Variants in CSNK1D observed in about 807,000 individuals in gnomAD.
CSNK1D encodes casein kinase I isoform delta.
A neutral mutation model predicts 46.6 loss-of-function variants in CSNK1D; 16 were observed. The observed-to-expected ratio is 0.34, with a 90% CI of 0.23 to 0.52. CSNK1D has a LOEUF of 0.52. Ranked by LOEUF, CSNK1D falls within the 20% of genes least tolerant of loss-of-function variation. CSNK1D has a pLI of 0.95. For synonymous variants in CSNK1D, 276 were observed against 228.2 expected (o/e 1.21, Z -1.89); for missense variants, 398 against 578.4 (o/e 0.69, Z 3.20).
Position 82,248,625 on chromosome 17 carries a change from G to A in CSNK1D, c.1197+250C>T. The A allele has an allele frequency of 1.5e-6, 2 of 1,357,540 alleles. No individual in the cohort carries two copies. Among genetic ancestry groups the A allele is most frequent in the Non-Finnish European group, 1.9e-6 (2 of 1,051,536 alleles). The allele number at this position is 1,357,540 out of a possible 1,614,324, so 84.1% of individuals were successfully genotyped here. Reference sequence around the variant, plus strand: ...AGGAGAAAGCCCCCACGGTTTGCTGGCCTCAGGGACCTGAGACCTGAGACT... The same window carrying A: ...AGGAGAAAGCCCCCACGGTTTGCTGACCTCAGGGACCTGAGACCTGAGACT... On this transcript the variant is annotated intron_variant, in intron 8 of 8. Coordinates refer to ENST00000314028, the MANE Select transcript of CSNK1D (RefSeq NM_001893.6). The surrounding 1 kb of genome is among the most constrained non-coding windows in gnomAD (Gnocchi z 4.1).
At chr17:82,262,178 T>C (rs994786763) in intron 2 of CSNK1D, among the ~76,000 whole-genome samples, 1 of 152,244 alleles carries the variant, frequency 6.6e-6, no homozygotes, top group Non-Finnish European at 1.5e-5. Flanking sequence ...CAACCAGATT[T>C]GGGACAGGTG....
rs577923739 is a variant in CSNK1D, at chr17:82,252,417, G to A, written c.736+17C>T. Reference sequence around the variant, plus strand: ...CCTGTGAGCAGCTCCGCTGAGAAGAGGCCTCCAGAGACTTACAAGGGTAGC... The same window carrying A: ...CCTGTGAGCAGCTCCGCTGAGAAGAAGCCTCCAGAGACTTACAAGGGTAGC... On this transcript the variant is annotated intron_variant, in intron 5 of 8. Coordinates refer to ENST00000314028, the MANE Select transcript of CSNK1D (RefSeq NM_001893.6). The surrounding 1 kb of genome is among the most constrained non-coding windows in gnomAD (Gnocchi z 4.6). 23 of 1,614,026 alleles carry A rather than the reference G, an allele frequency of 1.4e-5. No homozygotes were observed. In the East Asian group the frequency reaches 1.8e-4, roughly 13 times the overall value.
downstream of CSNK1D, among the ~76,000 whole-genome samples, chr17:82,242,472 G>A (rs1399063410): frequency 1.3e-5 from 2 of 151,574 alleles, no homozygotes; most frequent in East Asian, 3.9e-4. Context: ...GCAGCACGGC[G>A]AGGAGCAGTC....
At chr17:82,259,021 TG>T (rs1267662410) in intron 2 of CSNK1D, among the ~76,000 whole-genome samples, 3 of 152,226 alleles carry the variant, frequency 2.0e-5, no homozygotes, top group Admixed American at 2.0e-4. Flanking sequence ...GAAAGAGAAG[TG>T]GCTGGATGTC....
At position 82,250,086 on chromosome 17, in the gene CSNK1D, G is replaced by A. The variant is rs2050961696; in HGVS notation, c.886-484C>T. 1.6e-6 allele frequency: 2 copies of A among 1,290,060 alleles called. No individual in the cohort carries two copies. The highest frequency in any genetic ancestry group is 2.0e-6 in the Non-Finnish European group (2 of 989,460). The allele number at this position is 1,290,060 out of a possible 1,614,324, so 79.9% of individuals were successfully genotyped here. ...GCAGCCTCCAACAGCCTGTGCAGGT[G>A]TGGTGGCGTGGCCAGCAGCCGGCAG... On this transcript the variant is annotated intron_variant, in intron 6 of 8. Transcript: ENST00000314028. The surrounding 1 kb of genome is among the most constrained non-coding windows in gnomAD (Gnocchi z 4.6).
In CSNK1D at chr17:82,244,268, T is replaced by A. The variant is rs2050794728; in HGVS notation, c.*513A>T. The A allele has an allele frequency of 9.1e-7, 1 of 1,101,868 alleles. No individual in the cohort carries two copies. The highest frequency in any genetic ancestry group is 1.1e-6 in the Non-Finnish European group (1 of 897,616). The allele number at this position is 1,101,868 out of a possible 1,614,324, so 68.3% of individuals were successfully genotyped here. On this transcript the variant is annotated 3_prime_UTR_variant, in exon 9 of 9. Coordinates refer to ENST00000314028, the MANE Select transcript of CSNK1D (RefSeq NM_001893.6). ...CTTCTCCCTGCCCGACTCCACCTCATACACTAACTCCAAGCCAGCCTGTCT... is the reference window on the plus strand; with the variant it reads ...CTTCTCCCTGCCCGACTCCACCTCAAACACTAACTCCAAGCCAGCCTGTCT...
downstream of CSNK1D, among the ~76,000 whole-genome samples, chr17:82,240,766 A>G (rs2050731587): frequency 6.6e-6 from 1 of 152,180 alleles, no homozygotes; most frequent in South Asian, 2.1e-4. Context: ...AGATGTGGGA[A>G]GGCAGCCACG....
Position 82,248,722 on chromosome 17 carries a change from T to C in CSNK1D, c.1197+153A>G, listed in dbSNP as rs1167669983. The C allele has an allele frequency of 1.4e-6, 2 of 1,468,346 alleles. No homozygotes were observed. Among genetic ancestry groups the C allele is most frequent in the South Asian group, 2.7e-5 (2 of 73,470 alleles). 91.0% of individuals were successfully genotyped at this position (1,468,346 alleles called of 1,614,324 possible). A position where few individuals can be genotyped will look rare whatever the true frequency, so the allele number is the denominator to read the frequency against. On this transcript the variant is annotated intron_variant, in intron 8 of 8. Coordinates refer to ENST00000314028, the MANE Select transcript of CSNK1D (RefSeq NM_001893.6). The surrounding 1 kb of genome is among the most constrained non-coding windows in gnomAD (Gnocchi z 4.1). ...TCCCAGGCCCTCCCGAGAAGCCTCA[T>C]CTGCAACCAAGACGCCACACCCTGG...
intron 2 of CSNK1D, among the ~76,000 whole-genome samples, chr17:82,262,788 C>G (rs557720310): frequency 3.3e-5 from 5 of 152,306 alleles, no homozygotes; most frequent in African/African-American, 1.2e-4. Flanking sequence ...TTGTCAACTC[C>G]CCGGTTTAGT....
chr17:82,244,753 C>T lies in CSNK1D; in HGVS notation c.*28G>A. 1 of 1,613,918 alleles carries T rather than the reference C, an allele frequency of 6.2e-7. No homozygotes were observed. Among genetic ancestry groups the T allele is most frequent in the Non-Finnish European group, 8.5e-7 (1 of 1,180,032 alleles). On this transcript the variant is annotated 3_prime_UTR_variant, in exon 9 of 9. Coordinates refer to ENST00000314028, the MANE Select transcript of CSNK1D (RefSeq NM_001893.6). Reference sequence around the variant, plus strand: ...ACAGAGTAGATCAGCCATGCATTGTCTGCCCTTCACAGCAATAAGGAGAGT... The same window carrying T: ...ACAGAGTAGATCAGCCATGCATTGTTTGCCCTTCACAGCAATAAGGAGAGT...
downstream of CSNK1D, chr17:82,239,981 A>G (rs921891369): frequency 4.1e-6 from 5 of 1,233,276 alleles, no homozygotes; most frequent in Non-Finnish European, 5.1e-6. Context: ...GGCCCTCAGT[A>G]GGTGCGTCGT....
intron 1 of CSNK1D, chr17:82,272,282 T>G (rs537717637): frequency 1.4e-4 from 21 of 152,900 alleles, no homozygotes; most frequent in African/African-American, 4.6e-4. Flanking sequence ...AGGCAGAGGT[T>G]GCGGTGAGCC....
rs771608368 is a variant in CSNK1D, at chr17:82,252,425, G to A, written c.736+9C>T. 2 of 1,614,124 alleles carry A rather than the reference G, an allele frequency of 1.2e-6. No individual in the cohort carries two copies. Among genetic ancestry groups the A allele is most frequent in the Non-Finnish European group, 1.7e-6 (2 of 1,180,020 alleles). ...CAGCTCCGCTGAGAAGAGGCCTCCA[G>A]AGACTTACAAGGGTAGCCTTTACAC... On this transcript the variant is annotated intron_variant, in intron 5 of 8. Transcript: ENST00000314028. The surrounding 1 kb of genome is among the most constrained non-coding windows in gnomAD (Gnocchi z 4.6).
At chr17:82,247,115 G>A in intron 8 of CSNK1D, 1 of 985,454 alleles carries the variant, frequency 1.0e-6, no homozygotes, top group Non-Finnish European at 1.2e-6. Context: ...CAGGAGCAGA[G>A]GCCAAGAGGC....
Position 82,249,567 on chromosome 17 carries a change from C to A in CSNK1D, c.921G>T (p.Glu307Asp). Reference protein sequence around the residue: ...ASRAADDAERERRDREERLRH... With the variant: ...ASRAADDAERDRRDREERLRH... ...TCAGCCGCTCCTCTCGGTCCCTGCG[C>A]TCCCGCTCGGCGTCATCGGCGGCCC... Residue 307 changes from glutamate (E) to aspartate (D), a missense_variant, in exon 7 of 9, where the codon GAG becomes GAT. Coordinates refer to ENST00000314028, the MANE Select transcript of CSNK1D (RefSeq NM_001893.6). The surrounding 1 kb of genome is among the most constrained non-coding windows in gnomAD (Gnocchi z 6.7). 1 of 1,555,246 alleles carries A rather than the reference C, an allele frequency of 6.4e-7. No homozygotes were observed. The highest frequency in any genetic ancestry group is 8.7e-7 in the Non-Finnish European group (1 of 1,153,116).
downstream of CSNK1D, among the ~76,000 whole-genome samples, chr17:82,240,243 G>A (rs994128795): frequency 2.0e-5 from 3 of 152,228 alleles, no homozygotes; most frequent in Non-Finnish European, 4.4e-5. Context: ...CAGGGATCAA[G>A]GTCAGACTCT....
At chr17:82,264,197 T>C (rs992583124) in intron 2 of CSNK1D, among the ~76,000 whole-genome samples, 8 of 152,250 alleles carry the variant, frequency 5.3e-5, no homozygotes, top group African/African-American at 1.7e-4. Context: ...CTTTGGCCAG[T>C]TGCCCAAGGG....
At position 82,248,941 on chromosome 17, in the gene CSNK1D, G is replaced by T. The variant is rs1370879039; in HGVS notation, c.1131C>A (p.Ala377=). The change falls in exon 8 of 9, where the codon GCC becomes GCA. Residue 377 remains alanine, a synonymous_variant. Coordinates refer to ENST00000314028, the MANE Select transcript of CSNK1D (RefSeq NM_001893.6). This position sits in a 1 kb window ranked among gnomAD's most constrained non-coding sequence, Gnocchi z 4.1. The stretch of plus-strand genomic sequence containing the variant: ...GGTCGGACGAGGAGATGTTGACGGG[G>T]GCCCCGCGGTGCAGCCGCATACTCA... ...RKVSMRLHRG[A]PVNISSSDLT... is the part of the protein sequence containing the mutation. 2 of 1,603,800 alleles carry T rather than the reference G, an allele frequency of 1.2e-6. No homozygotes were observed. The highest frequency in any genetic ancestry group is 1.7e-6 in the Non-Finnish European group (2 of 1,174,676).
rs996954413 is a variant in CSNK1D, at chr17:82,251,886, G to A, written c.737-359C>T. On this transcript the variant is annotated intron_variant, in intron 5 of 8. Coordinates refer to ENST00000314028, the MANE Select transcript of CSNK1D (RefSeq NM_001893.6). The surrounding 1 kb of genome is among the most constrained non-coding windows in gnomAD (Gnocchi z 4.5). The stretch of plus-strand genomic sequence containing the variant: ...GCGGGCGCCTGTAGTCCCAGCTACC[G>A]GGGAGGCTGACGCAGGAGAATGGTA... The A allele has an allele frequency of 1.8e-4, 61 of 345,530 alleles. 1 individual carries two copies. The highest frequency in any genetic ancestry group is 1.0e-3 in the South Asian group (42 of 41,360). 21.4% of individuals were successfully genotyped at this position (345,530 alleles called of 1,614,324 possible).
Sources: gnomAD v4.1 joint callset for allele counts (sites outside exome capture counted in the v4.1 genomes callset) on GRCh38, gnomAD v4.1.1 for gene constraint, Gnocchi (gnomAD v3.1) non-coding constraint, MANE v1.5 for transcripts, NCBI Gene and HGNC (gene_info 2026-07-23, HGNC 2026-07-21) for gene names.